Variants in ACAD9 observed in about 807,000 individuals in gnomAD.
ACAD9 encodes the protein acyl-CoA dehydrogenase family member 9.
In ACAD9, 53 loss-of-function variants were observed where a neutral mutation model predicts 70.2. The ratio of observed to expected loss-of-function variants is 0.75; its 90% CI spans 0.61 to 0.95. ACAD9 has a LOEUF of 0.95. ACAD9 is among the 40% of genes least tolerant of loss of function. ACAD9 has a pLI of 0.00. For synonymous variants in ACAD9, 313 were observed against 312.1 expected (o/e 1.00, Z -0.03); for missense variants, 777 against 802.8 (o/e 0.97, Z 0.39).
chr3:128,882,292 C>G (rs1489879403), intron 1 of ACAD9, among the ~76,000 whole-genome samples: 1 of 152,210 alleles, frequency 6.6e-6, no homozygotes, highest in Admixed American at 6.5e-5. Flanking sequence ...CAATCCTGCT[C>G]CTTCCACCAG....
chr3:128,908,321 A>G, intron 13 of ACAD9, 57 bp downstream of exon 13: 1 of 1,590,668 alleles, frequency 6.3e-7, no homozygotes, highest in Non-Finnish European at 8.6e-7. Flanking sequence ...AGCAGGGGCC[A>G]GTCCAGGGCA....
chr3:128,891,932 A>G (rs1374383512), intron 2 of ACAD9, among the ~76,000 whole-genome samples: 2 of 152,266 alleles, frequency 1.3e-5, no homozygotes, highest in Non-Finnish European at 2.9e-5. Context: ...TTGGATAAAC[A>G]GTTGTACACC....
rs111716284 is a variant in ACAD9 at position 128,896,495 on chromosome 3, C to T, written c.513C>T (p.Ser171=). ...CCAAATACTTGCCTAAACTGGCGTC[C>T]GGGGAGCACATTGCAGCCTTCTGCC... The part of the protein sequence containing the change: ...QKAKYLPKLA[S]GEHIAAFCLT... Residue 171 remains serine (S), a synonymous_variant, in exon 5 of 18, where the codon TCC becomes TCT. Coordinates refer to ENST00000308982, the MANE Select transcript of ACAD9 (RefSeq NM_014049.5). 9.7e-5 allele frequency: 156 copies of T among 1,614,190 alleles called. No homozygotes were observed. In the African/African-American group the frequency reaches 1.3e-3, roughly 13 times the overall value.
intron 12 of ACAD9, among the ~76,000 whole-genome samples, chr3:128,906,782 G>C (rs1171646314): frequency 6.6e-6 from 1 of 152,192 alleles, no homozygotes; most frequent in Non-Finnish European, 1.5e-5. Flanking sequence ...GCCCTGCTAG[G>C]TGGGCTGGGG....
At chr3:128,908,115 C>A in intron 12 of ACAD9, 70 bp from the exon 13 acceptor site, 1 of 1,455,754 alleles carries the variant, frequency 6.9e-7, no homozygotes, top group Non-Finnish European at 9.6e-7. Context: ...CGGCTCTACC[C>A]AGCACACGTG....
At chr3:128,897,539 T>G in intron 5 of ACAD9, 93 bp from the exon 6 acceptor site, 2 of 1,199,608 alleles carry the variant, frequency 1.7e-6, no homozygotes, top group Non-Finnish European at 2.4e-6. Context: ...TGCTGACCTC[T>G]TACAAGTACT....
intron 1 of ACAD9, among the ~76,000 whole-genome samples, chr3:128,881,984 C>G (rs186865631): frequency 6.6e-6 from 1 of 152,270 alleles, no homozygotes; most frequent in Admixed American, 6.5e-5. Context: ...AAGTTTCTTT[C>G]TTCAGTTCAG....
chr3:128,907,631 G>T (rs1228540018), intron 12 of ACAD9, among the ~76,000 whole-genome samples: 2 of 152,202 alleles, frequency 1.3e-5, no homozygotes, highest in Non-Finnish European at 2.9e-5. Context: ...CCTGGGTCAG[G>T]CCCCTGCACC....
chr3:128,892,394 G>A (rs1242252727), intron 2 of ACAD9, among the ~76,000 whole-genome samples: 1 of 152,136 alleles, frequency 6.6e-6, no homozygotes, highest in East Asian at 1.9e-4. Context: ...GTAGGTTATG[G>A]TGTTTTTAAC....
At chr3:128,890,422 G>A (rs949775677) in intron 2 of ACAD9, among the ~76,000 whole-genome samples, 1 of 152,052 alleles carries the variant, frequency 6.6e-6, no homozygotes. Context: ...TATAGTTTTG[G>A]CTGGGCGCAG....
chr3:128,890,532 C>G (rs1464394194), intron 2 of ACAD9, among the ~76,000 whole-genome samples: 1 of 151,948 alleles, frequency 6.6e-6, no homozygotes, highest in African/African-American at 2.4e-5. Context: ...GAAACCCCGT[C>G]TCTACTAAAA....
intron 12 of ACAD9, among the ~76,000 whole-genome samples, chr3:128,907,290 C>G (rs1208809892): frequency 6.6e-6 from 1 of 152,144 alleles, no homozygotes; most frequent in Admixed American, 6.5e-5. Flanking sequence ...TCCACTGTTG[C>G]AGTGGACATA....
At position 128,879,624 on chromosome 3, in the gene ACAD9, G is replaced by A; in HGVS notation, c.-68G>A. ...TTGTCGCGGGCCAGTAACGTCATCA[G>A]ACGTGTGTGTGTCCCTGCGGCGCTA... On this transcript the variant is annotated 5_prime_UTR_variant, in exon 1 of 18. Transcript: ENST00000308982. The A allele has an allele frequency of 3.3e-6, 5 of 1,515,012 alleles. No homozygotes were observed. The highest frequency in any genetic ancestry group is 4.5e-6 in the Non-Finnish European group (5 of 1,118,258). The allele number at this position is 1,515,012 out of a possible 1,614,324, so 93.8% of individuals were successfully genotyped here.
chr3:128,900,603 TCTTC>T (rs1243989011), intron 7 of ACAD9, among the ~76,000 whole-genome samples: 2 of 151,780 alleles, frequency 1.3e-5, no homozygotes, highest in African/African-American at 4.8e-5. Flanking sequence ...GTTCAAGTGA[TCTTC>T]CTGCCTCTGC....
intron 17 of ACAD9, among the ~76,000 whole-genome samples, chr3:128,911,537 A>AAGCAACTCCTGTGCCTCAGCCTCCTGAGT (rs1936320480): frequency 6.6e-6 from 1 of 152,148 alleles, no homozygotes; most frequent in Non-Finnish European, 1.5e-5. Flanking sequence ...TCCTGGGTTC[A>AAGCAACTCCTGTGCCTCAGCCTCCTGAGT]AGCAACTCCT....
intron 1 of ACAD9, among the ~76,000 whole-genome samples, chr3:128,881,339 C>G (rs546918369): frequency 2.0e-4 from 30 of 152,348 alleles, no homozygotes; most frequent in African/African-American, 7.2e-4. Flanking sequence ...CCTTTACTCT[C>G]AGCTGTCAGC....
At chr3:128,880,153 G>T in intron 1 of ACAD9, 1 of 721,420 alleles carries the variant, frequency 1.4e-6, no homozygotes, top group Non-Finnish European at 2.1e-6. Flanking sequence ...GTCTGGTCTG[G>T]AAATGTGCGG....
Position 128,899,273 on chromosome 3 carries a change from C to T in ACAD9, c.634-14C>T. 6.2e-7 allele frequency: 1 copy of T among 1,614,082 alleles called. No individual in the cohort carries two copies. The highest frequency in any genetic ancestry group is 8.5e-7 in the Non-Finnish European group (1 of 1,179,966). On this transcript the variant is annotated splice_polypyrimidine_tract_variant and intron_variant, in intron 6 of 17. Transcript: ENST00000308982. ...GGGTTTGGTTTTCTCCAAAGTCCAT[C>T]TTTCTGTCCTCAGGTCTGGATTACT... is the stretch of plus-strand genomic sequence containing the variant.
intron 13 of ACAD9, 24 bp from the exon 14 acceptor site, chr3:128,908,949 C>T (rs1022634966): frequency 6.2e-7 from 1 of 1,614,000 alleles, no homozygotes; most frequent in African/African-American, 1.3e-5. Context: ...GGCCTCCAGT[C>T]ACAGGACCAT....
Sources: gnomAD v4.1 joint callset for allele counts (sites outside exome capture counted in the v4.1 genomes callset) on GRCh38, gnomAD v4.1.1 for gene constraint, MANE v1.5 for transcripts, NCBI Gene and HGNC (gene_info 2026-07-23, HGNC 2026-07-21) for gene names.